Variants in ITGA11 observed in about 807,000 individuals in gnomAD.
ITGA11 encodes integrin alpha-11.
ITGA11 carries 97 observed loss-of-function variants against 141.9 expected under a neutral mutation model. That is an observed-to-expected ratio of 0.68 (90% CI 0.58 to 0.81). ITGA11 has a LOEUF of 0.81. ITGA11 is among the 30% of genes least tolerant of loss of function. The pLI, the probability that ITGA11 is intolerant of heterozygous loss-of-function variation, is 0.00. For synonymous variants in ITGA11, 658 were observed against 624.6 expected, an observed-to-expected ratio of 1.05 and a Z score of -0.80; for missense variants, 1,387 against 1,559.2, an observed-to-expected ratio of 0.89 and a Z score of 1.86.
chr15:68,385,059 C>A (rs1203507655), intron 2 of ITGA11, among the ~76,000 whole-genome samples: 4 of 152,192 alleles, frequency 2.6e-5, no homozygotes, highest in African/African-American at 9.7e-5. Context: ...CCATGGTAGA[C>A]ACTTAAACAC....
intron 10 of ITGA11, among the ~76,000 whole-genome samples, chr15:68,342,822 C>T (rs998765216): frequency 1.3e-5 from 2 of 152,286 alleles, no homozygotes; most frequent in South Asian, 4.2e-4. Context: ...TGCTAACCAT[C>T]CTACAATGCA....
intron 4 of ITGA11, 60 bp downstream of exon 4, chr15:68,364,647 A>ACCCCCCCCCCCCCCCC: frequency 1.1e-6 from 1 of 904,832 alleles, no homozygotes; most frequent in East Asian, 2.6e-5. Context: ...GAGACGCTCC[A>ACCCCCCCCCCCCCCCC]CCCCTCCCCA....
chr15:68,427,809 C>T (rs1897179901), intron 1 of ITGA11, among the ~76,000 whole-genome samples: 1 of 152,152 alleles, frequency 6.6e-6, no homozygotes, highest in African/African-American at 2.4e-5. Flanking sequence ...ATAGAAAGCA[C>T]TCCATGCTGA....
At chr15:68,331,785 G>T in intron 14 of ITGA11, 74 bp downstream of exon 14, 1 of 1,272,662 alleles carries the variant, frequency 7.9e-7, no homozygotes, top group Non-Finnish European at 1.1e-6. Flanking sequence ...ACCAGATGAG[G>T]CACAGAAGCT....
intron 11 of ITGA11, among the ~76,000 whole-genome samples, chr15:68,337,915 C>A (rs1295007217): frequency 6.6e-6 from 1 of 152,172 alleles, no homozygotes; most frequent in African/African-American, 2.4e-5. Context: ...CCCTTCTTGG[C>A]TTATTTGAAA....
intron 2 of ITGA11, among the ~76,000 whole-genome samples, chr15:68,398,745 G>A (rs1287309363): frequency 6.8e-6 from 1 of 146,616 alleles, no homozygotes; most frequent in Admixed American, 6.8e-5. Flanking sequence ...TATATTAACT[G>A]TAAATATAAC....
At chr15:68,422,971 C>G (rs1196906018) in intron 1 of ITGA11, among the ~76,000 whole-genome samples, 2 of 152,172 alleles carry the variant, frequency 1.3e-5, no homozygotes, top group East Asian at 3.9e-4. Context: ...ATCTTTTATC[C>G]CCCAGAGCAT....
chr15:68,366,241 T>C lies in ITGA11; in HGVS notation c.266-1443A>G, dbSNP rs533879241. ...TCATCTACAAAGCACCGCGCACACCTGCCCTTTCAGGACCCCTCACGGTCC... is the reference window on the plus strand; with the variant it reads ...TCATCTACAAAGCACCGCGCACACCCGCCCTTTCAGGACCCCTCACGGTCC... On this transcript the variant is annotated intron_variant, in intron 3 of 29. Coordinates refer to ENST00000315757, the MANE Select transcript of ITGA11 (RefSeq NM_001004439.2). 2.8e-4 allele frequency among the ~76,000 whole-genome samples: 43 copies of C among 152,258 alleles called. No individual in the cohort carries two copies. The South Asian group carries it at 8.9e-3, about 32-fold the overall frequency.
At chr15:68,406,745 G>A (rs903491263) in intron 1 of ITGA11, among the ~76,000 whole-genome samples, 5 of 152,166 alleles carry the variant, frequency 3.3e-5, no homozygotes, top group African/African-American at 1.2e-4. Flanking sequence ...TGACTGAACA[G>A]TTAGAGACCA....
chr15:68,368,589 G>A (rs946574821), intron 3 of ITGA11, among the ~76,000 whole-genome samples: 1 of 152,200 alleles, frequency 6.6e-6, no homozygotes, highest in African/African-American at 2.4e-5. Flanking sequence ...TTGCATTTCC[G>A]AAGGGCAGTG....
intron 2 of ITGA11, among the ~76,000 whole-genome samples, chr15:68,377,597 C>T (rs898780535): frequency 2.6e-5 from 4 of 152,170 alleles, no homozygotes; most frequent in African/African-American, 9.7e-5. Flanking sequence ...AAGCCTTCTC[C>T]TTCCCCTTCT....
At chr15:68,430,361 TTG>T (rs1299777505) in intron 1 of ITGA11, among the ~76,000 whole-genome samples, 7 of 152,188 alleles carry the variant, frequency 4.6e-5, no homozygotes, top group African/African-American at 1.7e-4. Flanking sequence ...GACACGGAAT[TTG>T]TGTCTCCATT....
intron 11 of ITGA11, 41 bp downstream of exon 11, chr15:68,339,459 G>T: frequency 6.3e-7 from 1 of 1,582,352 alleles, no homozygotes; most frequent in Non-Finnish European, 8.6e-7. Context: ...GTGCCCTCCC[G>T]GCCCACGACC....
intron 11 of ITGA11, among the ~76,000 whole-genome samples, chr15:68,337,745 T>C (rs1019891921): frequency 4.6e-5 from 7 of 151,738 alleles, no homozygotes; most frequent in African/African-American, 1.7e-4. Context: ...ATGAAAAAGC[T>C]CAAACGTCTT....
intron 2 of ITGA11, among the ~76,000 whole-genome samples, chr15:68,395,378 TCC>T (rs1329914333): frequency 6.6e-6 from 1 of 151,690 alleles, no homozygotes; most frequent in African/African-American, 2.4e-5. Context: ...AACAAACTTC[TCC>T]GAGCTAAAGG....
intron 6 of ITGA11, 31 bp downstream of exon 6, chr15:68,358,427 C>A: frequency 6.3e-7 from 1 of 1,582,168 alleles, no homozygotes; most frequent in South Asian, 1.2e-5. Context: ...TGGCCCTGTT[C>A]AGAAGTGGAA....
At position 68,332,078 on chromosome 15, in the gene ITGA11, C is replaced by T. The variant is rs369201524; in HGVS notation, c.1567-16G>A. Reference sequence around the variant, plus strand: ...CAAACAGGTTCTGCAAAACCAGGGGCAGAAAAAGGCTGGGGAGGGTTTGGC... The same window carrying T: ...CAAACAGGTTCTGCAAAACCAGGGGTAGAAAAAGGCTGGGGAGGGTTTGGC... On this transcript the variant is annotated splice_polypyrimidine_tract_variant and intron_variant, in intron 13 of 29. Coordinates refer to ENST00000315757, the MANE Select transcript of ITGA11 (RefSeq NM_001004439.2). 82 of 1,571,690 alleles carry T rather than the reference C, an allele frequency of 5.2e-5. No homozygotes were observed. The African/African-American group carries it at 9.3e-4, about 18-fold the overall frequency.
At position 68,332,355 on chromosome 15, in the gene ITGA11, C is replaced by T. The variant is rs61729765; in HGVS notation, c.1549G>A (p.Val517Ile). Residue 517 changes from valine to isoleucine, a missense_variant, in exon 13 of 30, where the codon GTC (valine) becomes ATC (isoleucine). By Grantham distance (29) the Val-to-Ile change is conservative. Coordinates refer to ENST00000315757, the MANE Select transcript of ITGA11 (RefSeq NM_001004439.2). Reference protein sequence around the residue: ...NEGRERGKVYVYELRQNLFVY... With the variant: ...NEGRERGKVYIYELRQNLFVY... ...AGCTGTACCTGTCTCAGCTCATAGACGTACACCTTGCCTCGCTCACGGCCC... is the reference window on the plus strand; with the variant it reads ...AGCTGTACCTGTCTCAGCTCATAGATGTACACCTTGCCTCGCTCACGGCCC... 3.8e-4 allele frequency: 614 copies of T among 1,607,182 alleles called. 1 individual carries two copies. The African/African-American group carries it at 3.9e-3, about 10-fold the overall frequency.
At chr15:68,370,099 A>T (rs1895542090) in intron 2 of ITGA11, among the ~76,000 whole-genome samples, 1 of 152,118 alleles carries the variant, frequency 6.6e-6, no homozygotes, top group Non-Finnish European at 1.5e-5. Context: ...TCTCCCCCAG[A>T]GCCTGCGGAG....
Sources: allele counts gnomAD v4.1 joint callset (sites outside exome capture counted in the v4.1 genomes callset), GRCh38; gene constraint gnomAD v4.1.1; transcripts MANE v1.5; gene names NCBI Gene and HGNC (gene_info 2026-07-23, HGNC 2026-07-21).